AFF1: variants seen among roughly 807,000 people sequenced by gnomAD.
The protein encoded by AFF1 is AF4/FMR2 family member 1.
Under a neutral mutation model 121.7 loss-of-function variants are expected in AFF1, and 48 were observed. The observed-to-expected ratio is 0.39, with a 90% CI of 0.31 to 0.50. The LOEUF (loss-of-function observed/expected upper bound fraction) is 0.50. Ranked by LOEUF, AFF1 falls within the 20% of genes least tolerant of loss-of-function variation. The pLI is 0.76. For missense variants in AFF1, 1,523 were observed against 1,511.7 expected (o/e 1.01, Z -0.12); for synonymous variants, 613 against 563.0 (o/e 1.09, Z -1.26).
intron 12 of AFF1, among the ~76,000 whole-genome samples, chr4:87,122,694 A>G (rs902816680): frequency 5.3e-5 from 8 of 152,264 alleles, no homozygotes; most frequent in Middle Eastern, 3.4e-3. Context: ...TCTAAGCAGT[A>G]TATTTATAAT....
At chr4:86,983,449 C>A (rs1723936210) in intron 2 of AFF1, among the ~76,000 whole-genome samples, 1 of 152,028 alleles carries the variant, frequency 6.6e-6, no homozygotes, top group Admixed American at 6.6e-5. Flanking sequence ...TCACTTGAAC[C>A]CAGGAGGAGG....
intron 12 of AFF1, among the ~76,000 whole-genome samples, chr4:87,117,487 A>G (rs1378277554): frequency 6.6e-6 from 1 of 151,990 alleles, no homozygotes; most frequent in African/African-American, 2.4e-5. Context: ...GGAATCCCCA[A>G]CCCCCATTGG....
At chr4:87,127,546 G>A (rs1026497258) in intron 15 of AFF1, 97 bp from the exon 16 acceptor site, 2 of 1,102,648 alleles carry the variant, frequency 1.8e-6, no homozygotes, top group Non-Finnish European at 1.4e-6. Flanking sequence ...TCCTCCCCTT[G>A]CTGTCCTCCC....
chr4:87,127,166 T>TCCCCCCCC (rs367995603), intron 15 of AFF1, 49 bp downstream of exon 15: 2 of 1,012,588 alleles, frequency 2.0e-6, no homozygotes, highest in African/African-American at 3.8e-5. Flanking sequence ...TTGTTTTGCT[T>TCCCCCCCC]CCCCCCCCCA....
At chr4:87,051,877 T>C (rs1430901217) in intron 4 of AFF1, among the ~76,000 whole-genome samples, 5 of 152,270 alleles carry the variant, frequency 3.3e-5, no homozygotes, top group South Asian at 2.1e-4. Flanking sequence ...CCATCTATTC[T>C]AATGGGGGGC....
chr4:87,135,611 C>T lies in AFF1; in HGVS notation c.3567C>T (p.Cys1189=). 1 of 1,608,530 alleles carries T rather than the reference C, an allele frequency of 6.2e-7. No individual in the cohort carries two copies. Among genetic ancestry groups the T allele is most frequent in the African/African-American group, 1.3e-5 (1 of 74,922 alleles). The change falls in exon 21 of 21, where the codon TGC becomes TGT. Residue 1189 remains cysteine, a synonymous_variant. Transcript: ENST00000395146. ...EFFARLSTNV[C]TLALNSSLVD... ...TTGCTCGGCTCAGCACAAATGTGTGCACCTTGGCCCTCAACAGCAGTTTGG... is the reference window on the plus strand; with the variant it reads ...TTGCTCGGCTCAGCACAAATGTGTGTACCTTGGCCCTCAACAGCAGTTTGG...
At chr4:87,038,804 A>G (rs986661645) in intron 2 of AFF1, among the ~76,000 whole-genome samples, 1 of 152,216 alleles carries the variant, frequency 6.6e-6, no homozygotes, top group Non-Finnish European at 1.5e-5. Flanking sequence ...TTCCTGCCAG[A>G]TGTCTCCATC....
chr4:87,126,254 C>T lies in AFF1; in HGVS notation c.2729C>T (p.Thr910Ile), dbSNP rs1189302813. 1 of 1,614,096 alleles carries T rather than the reference C, an allele frequency of 6.2e-7. No individual in the cohort carries two copies. Among genetic ancestry groups the T allele is most frequent in the Non-Finnish European group, 8.5e-7 (1 of 1,180,030 alleles). Residue 910 changes from threonine (T) to isoleucine (I), a missense_variant, in exon 14 of 21, where the codon ACC becomes ATC. Thr to Ile is a moderately conservative substitution (Grantham distance 89). Coordinates refer to ENST00000395146, the MANE Select transcript of AFF1 (RefSeq NM_001166693.3). ...GACCCTCCCAAAAGTGCCAGCAGTA[C>T]CAAGAGCAACCACAAAGACTCTTCC... Reference protein sequence around the residue: ...GQDPPKSASSTKSNHKDSSIP... With the variant: ...GQDPPKSASSIKSNHKDSSIP...
chr4:86,964,642 C>G (rs1346227886), intron 2 of AFF1, among the ~76,000 whole-genome samples: 1 of 151,464 alleles, frequency 6.6e-6, no homozygotes, highest in Non-Finnish European at 1.5e-5. Flanking sequence ...CCACGTTGGT[C>G]AGGCTGGTCT....
chr4:87,126,998 A>G lies in AFF1; in HGVS notation c.2812-28A>G, dbSNP rs201073439. 1.1e-3 allele frequency: 1,737 copies of G among 1,584,810 alleles called. 1 individual carries two copies. The highest frequency in any genetic ancestry group is 1.3e-3 in the Non-Finnish European group (1,508 of 1,154,952). On this transcript the variant is annotated intron_variant, in intron 14 of 20. Transcript: ENST00000395146. ...ACAGTGGTCTTAAATGTTAGAGTGT[A>G]ATCTGTATATTGATTTTTTTTTTGA...
chr4:86,950,245 C>T lies in AFF1; in HGVS notation c.38+1674C>T, dbSNP rs1346920584. The T allele has an allele frequency of 1.3e-5, 11 of 845,888 alleles. No individual in the cohort carries two copies. In the East Asian group the frequency reaches 2.4e-4, roughly 18 times the overall value. The allele number at this position is 845,888 out of a possible 1,614,324, so 52.4% of individuals were successfully genotyped here. A position where few individuals can be genotyped will look rare whatever the true frequency, so the allele number is the denominator to read the frequency against. ...CCCGGCTGGAGTGCAGTGCCATGAT[C>T]TTGGCTCACTGCAACCTCTGCCTCC... On this transcript the variant is annotated intron_variant, in intron 2 of 20. Transcript: ENST00000395146.
chr4:87,116,800 T>A (rs1328037973), intron 12 of AFF1, among the ~76,000 whole-genome samples: 2 of 152,146 alleles, frequency 1.3e-5, no homozygotes, highest in African/African-American at 4.8e-5. Context: ...TGCCAGAAAC[T>A]TCTTTAAACT....
chr4:87,067,844 G>A (rs1721520547), intron 4 of AFF1, among the ~76,000 whole-genome samples: 1 of 152,206 alleles, frequency 6.6e-6, no homozygotes, highest in South Asian at 2.1e-4. Flanking sequence ...CAGTTTGGAT[G>A]CACAGAGCAT....
At chr4:87,042,262 G>A (rs1032196504) in intron 2 of AFF1, among the ~76,000 whole-genome samples, 3 of 152,144 alleles carry the variant, frequency 2.0e-5, no homozygotes, top group Non-Finnish European at 4.4e-5. Context: ...AGATTTGCCT[G>A]GGAGCTTTTA....
intron 13 of AFF1, among the ~76,000 whole-genome samples, chr4:87,125,440 A>G (rs909731055): frequency 2.0e-5 from 3 of 152,086 alleles, no homozygotes; most frequent in Admixed American, 6.5e-5. Flanking sequence ...CCTTATTTCT[A>G]CTTTGCAGAA....
chr4:87,134,815 T>C, intron 20 of AFF1, 121 bp downstream of exon 20: 1 of 888,202 alleles, frequency 1.1e-6, no homozygotes, highest in Non-Finnish European at 1.7e-6. Flanking sequence ...TGTTTTACTT[T>C]AATTATATTT....
chr4:86,940,325 T>C (rs142699557), intron 1 of AFF1, among the ~76,000 whole-genome samples: 5 of 152,290 alleles, frequency 3.3e-5, no homozygotes, highest in African/African-American at 1.2e-4. Flanking sequence ...TAAGCCCCAA[T>C]TTTCCAAAGG....
intron 19 of AFF1, among the ~76,000 whole-genome samples, chr4:87,133,122 A>G (rs1728985798): frequency 6.6e-6 from 1 of 152,202 alleles, no homozygotes; most frequent in Non-Finnish European, 1.5e-5. Flanking sequence ...AGTAAACAAG[A>G]AATTTCCAGA....
At chr4:86,943,540 T>C (rs1184728774) in intron 1 of AFF1, among the ~76,000 whole-genome samples, 1 of 152,208 alleles carries the variant, frequency 6.6e-6, no homozygotes. Flanking sequence ...GTCCGGGGAC[T>C]GGGGAGCTGC....
Sources: allele counts gnomAD v4.1 joint callset (sites outside exome capture counted in the v4.1 genomes callset), GRCh38; gene constraint gnomAD v4.1.1; transcripts MANE v1.5; gene names NCBI Gene and HGNC (gene_info 2026-07-23, HGNC 2026-07-21).